The following CSTPP1 variants were observed in gnomAD, a reference collection of about 807,000 sequenced individuals.
The protein encoded by CSTPP1 is UPF0705 protein C11orf49.
At chr11:47,065,889 A>G in the CSTPP1 span, among the ~76,000 whole-genome samples, 1 of 151,850 alleles carries the variant, frequency 6.6e-6, no homozygotes, top group African/African-American at 2.4e-5. Context: ...GATTACAGGG[A>G]CATGCCACCA....
chr11:47,092,644 A>G, the CSTPP1 span, among the ~76,000 whole-genome samples: 3 of 152,202 alleles, frequency 2.0e-5, no homozygotes, highest in South Asian at 2.1e-4. Context: ...CATAACTCCA[A>G]TGTCATTTGA....
At chr11:46,976,847 A>G in the CSTPP1 span, among the ~76,000 whole-genome samples, 2 of 152,144 alleles carry the variant, frequency 1.3e-5, no homozygotes, top group African/African-American at 4.8e-5. Context: ...GACCCTCCCT[A>G]TACGTGTGTT....
chr11:47,048,132 A>G, the CSTPP1 span, among the ~76,000 whole-genome samples: 1 of 152,184 alleles, frequency 6.6e-6, no homozygotes, highest in Non-Finnish European at 1.5e-5. Context: ...CTACCATATG[A>G]CCCAGCAATT....
chr11:46,959,865 ATTTTTTT>A, the CSTPP1 span, among the ~76,000 whole-genome samples: 2 of 134,052 alleles, frequency 1.5e-5, no homozygotes, highest in Non-Finnish European at 3.2e-5. Flanking sequence ...GGTTTAAATA[ATTTTTTT>A]TTTTTTTTTT....
the CSTPP1 span, among the ~76,000 whole-genome samples, chr11:46,942,828 A>C: frequency 5.1e-4 from 78 of 152,330 alleles, 1 homozygote; most frequent in South Asian, 5.4e-3. Flanking sequence ...ATTGATTTGC[A>C]CAAGGTCACA....
At chr11:47,104,710 G>A in the CSTPP1 span, among the ~76,000 whole-genome samples, 1 of 152,144 alleles carries the variant, frequency 6.6e-6, no homozygotes, top group Non-Finnish European at 1.5e-5. Context: ...TCACAGCCTT[G>A]GTATGAGGTA....
the CSTPP1 span, among the ~76,000 whole-genome samples, chr11:47,132,665 A>C: frequency 6.6e-6 from 1 of 152,182 alleles, no homozygotes; most frequent in East Asian, 1.9e-4. Flanking sequence ...GCACTAATAC[A>C]ACTGCCCTGC....
At chr11:47,112,528 G>A in the CSTPP1 span, among the ~76,000 whole-genome samples, 1 of 152,088 alleles carries the variant, frequency 6.6e-6, no homozygotes, top group Non-Finnish European at 1.5e-5. Context: ...CACCATGTTG[G>A]CCAGGCTGGT....
At chr11:47,151,607 T>C in the CSTPP1 span, among the ~76,000 whole-genome samples, 2 of 150,668 alleles carry the variant, frequency 1.3e-5, no homozygotes, top group East Asian at 2.0e-4. Context: ...CGGGGGGAAG[T>C]TTCCAGGATG....
chr11:47,013,059 AAC>A, the CSTPP1 span, among the ~76,000 whole-genome samples: 1 of 147,280 alleles, frequency 6.8e-6, no homozygotes, highest in Non-Finnish European at 1.5e-5. Context: ...TATAAATAAT[AAC>A]ATATATATTT....
chr11:47,160,827 A>G, the CSTPP1 span: 2 of 426,698 alleles, frequency 4.7e-6, no homozygotes. Flanking sequence ...AAGGAACTCA[A>G]CTCCCAGCAC....
At chr11:46,950,077 C>A in the CSTPP1 span, among the ~76,000 whole-genome samples, 1 of 151,898 alleles carries the variant, frequency 6.6e-6, no homozygotes, top group Non-Finnish European at 1.5e-5. Flanking sequence ...AGAATTTAAT[C>A]TTTTGTTTTC....
At chr11:47,151,152 G>T in the CSTPP1 span, among the ~76,000 whole-genome samples, 17 of 152,136 alleles carry the variant, frequency 1.1e-4, no homozygotes, top group Non-Finnish European at 1.3e-4. Flanking sequence ...GAAGGCTCAC[G>T]CCTGTAATCC....
At chr11:46,983,211 G>A in the CSTPP1 span, among the ~76,000 whole-genome samples, 433 of 152,316 alleles carry the variant, frequency 2.8e-3, 3 homozygotes, top group African/African-American at 9.4e-3. Flanking sequence ...AGGATTGACA[G>A]TGTTATAAAG....
chr11:46,984,586 C>CTT, the CSTPP1 span, among the ~76,000 whole-genome samples: 2 of 150,758 alleles, frequency 1.3e-5, no homozygotes, highest in African/African-American at 4.9e-5. Context: ...AAAATTCCTG[C>CTT]TTTTTTTTTC....
chr11:47,149,356 CAGA>C, the CSTPP1 span, among the ~76,000 whole-genome samples: 1 of 152,194 alleles, frequency 6.6e-6, no homozygotes, highest in Non-Finnish European at 1.5e-5. Context: ...GGCACGTTAG[CAGA>C]AGGCCTCTGG....
the CSTPP1 span, among the ~76,000 whole-genome samples, chr11:46,996,223 CTT>C: frequency 7.9e-5 from 12 of 152,230 alleles, no homozygotes; most frequent in African/African-American, 2.2e-4. Flanking sequence ...GGTCTTGACT[CTT>C]TATCCAATTT....
chr11:47,108,770 A>AATCTCAGC, the CSTPP1 span, among the ~76,000 whole-genome samples: 2 of 145,522 alleles, frequency 1.4e-5, no homozygotes, highest in African/African-American at 5.1e-5. Context: ...ACAGTGGCAC[A>AATCTCAGC]ATCTCAGCTC....
chr11:47,163,946 T>C, the CSTPP1 span: 1 of 928,626 alleles, frequency 1.1e-6, no homozygotes, highest in Non-Finnish European at 1.6e-6. Context: ...GTACCCGGCG[T>C]TAAATATTTC....
Sources: gnomAD v4.1 joint callset for allele counts (sites outside exome capture counted in the v4.1 genomes callset) on GRCh38, gnomAD v4.1.1 for gene constraint, MANE v1.5 for transcripts, NCBI Gene and HGNC (gene_info 2026-07-23, HGNC 2026-07-21) for gene names.